The following ROBO2 variants were observed in gnomAD, a reference collection of about 807,000 sequenced individuals.
ROBO2 encodes roundabout guidance receptor 2, also known as roundabout homolog 2.
Under a neutral mutation model 160.8 loss-of-function variants are expected in ROBO2, and 53 were observed. The observed-to-expected ratio is 0.33, with a 90% CI of 0.26 to 0.41. The LOEUF (loss-of-function observed/expected upper bound fraction) is 0.41. Ranked by LOEUF, ROBO2 falls within the 10% of genes least tolerant of loss-of-function variation. ROBO2 has a pLI of 1.00. For synonymous variants in ROBO2, 664 were observed against 611.7 expected, an observed-to-expected ratio of 1.09 and a Z score of -1.26; for missense variants, 1,577 against 1,722.4, an observed-to-expected ratio of 0.92 and a Z score of 1.49.
chr3:77,114,259 A>G (rs2073976840), intron 2 of ROBO2, among the ~76,000 whole-genome samples: 1 of 152,152 alleles, frequency 6.6e-6, no homozygotes, highest in African/African-American at 2.4e-5. Flanking sequence ...TGTGATTATT[A>G]TTCCAGCTTA....
chr3:76,514,124 A>C (rs1268536594), intron 2 of ROBO2, among the ~76,000 whole-genome samples: 1 of 152,142 alleles, frequency 6.6e-6, no homozygotes, highest in African/African-American at 2.4e-5. Context: ...TTGTTGAAAA[A>C]AGTGTGTCAT....
intron 2 of ROBO2, among the ~76,000 whole-genome samples, chr3:76,278,696 T>C (rs562029408): frequency 6.6e-6 from 1 of 152,118 alleles, no homozygotes; most frequent in East Asian, 1.9e-4. Context: ...AGAAGACACA[T>C]GTACGTGTCA....
chr3:76,297,337 C>A (rs1043237389), intron 2 of ROBO2, among the ~76,000 whole-genome samples: 1 of 152,138 alleles, frequency 6.6e-6, no homozygotes, highest in Admixed American at 6.5e-5. Flanking sequence ...CTTACATTAT[C>A]TTTTGAAAAA....
intron 2 of ROBO2, among the ~76,000 whole-genome samples, chr3:77,400,765 G>A (rs2075724838): frequency 6.6e-6 from 1 of 152,144 alleles, no homozygotes; most frequent in African/African-American, 2.4e-5. Flanking sequence ...TCTACTCCAT[G>A]AGGTAGGTAT....
chr3:76,603,341 A>AT (rs1426046429), intron 2 of ROBO2, among the ~76,000 whole-genome samples: 301 of 55,056 alleles, frequency 5.5e-3, no homozygotes, highest in South Asian at 1.0e-2. Flanking sequence ...CCAAAAAAAA[A>AT]AAAAAAAAAA....
intron 2 of ROBO2, among the ~76,000 whole-genome samples, chr3:76,887,498 T>A (rs1179002018): frequency 6.6e-6 from 1 of 152,000 alleles, no homozygotes; most frequent in Non-Finnish European, 1.5e-5. Flanking sequence ...AAGGGGGTTG[T>A]GCGGTGGCTG....
chr3:76,230,214 G>T (rs937821239), intron 2 of ROBO2, among the ~76,000 whole-genome samples: 2 of 151,750 alleles, frequency 1.3e-5, no homozygotes, highest in Non-Finnish European at 2.9e-5. Context: ...TTTCTTCATG[G>T]AGTCCAGTGC....
chr3:76,881,246 A>G (rs1031479845), intron 2 of ROBO2, among the ~76,000 whole-genome samples: 5 of 152,166 alleles, frequency 3.3e-5, no homozygotes, highest in Non-Finnish European at 5.9e-5. Context: ...AACTGAAGAC[A>G]CTAATCTCTG....
At chr3:77,295,383 G>C (rs1027780064) in intron 2 of ROBO2, among the ~76,000 whole-genome samples, 1 of 150,244 alleles carries the variant, frequency 6.7e-6, no homozygotes, top group African/African-American at 2.5e-5. Flanking sequence ...GTAAGCTGAG[G>C]CTAGAGCACT....
intron 2 of ROBO2, among the ~76,000 whole-genome samples, chr3:77,118,702 T>G (rs1392181210): frequency 6.6e-6 from 1 of 152,178 alleles, no homozygotes; most frequent in Non-Finnish European, 1.5e-5. Context: ...AAGCATGCAA[T>G]AACAGAAAAG....
intron 2 of ROBO2, among the ~76,000 whole-genome samples, chr3:76,041,670 G>A (rs1269436014): frequency 1.3e-5 from 2 of 151,694 alleles, no homozygotes; most frequent in African/African-American, 2.4e-5. Context: ...ACACTTACAG[G>A]TATTAATATC....
chr3:76,369,789 C>T (rs937632951), intron 2 of ROBO2, among the ~76,000 whole-genome samples: 2 of 151,860 alleles, frequency 1.3e-5, no homozygotes, highest in South Asian at 4.1e-4. Flanking sequence ...TTAAAACTCT[C>T]CTCTCATTTC....
At chr3:77,476,547 G>T (rs2084034908) in intron 2 of ROBO2, among the ~76,000 whole-genome samples, 1 of 152,036 alleles carries the variant, frequency 6.6e-6, no homozygotes, top group Non-Finnish European at 1.5e-5. Context: ...CTACTTTTTT[G>T]AATGTTTACC....
chr3:77,248,809 G>A (rs7618355), intron 2 of ROBO2, among the ~76,000 whole-genome samples: 102,549 of 148,128 alleles, frequency 0.69, 35,745 homozygotes, highest in East Asian at 0.8. Context: ...GGAAGAATTC[G>A]TAAAATAAGT....
chr3:76,951,270 C>A (rs1219604688), intron 2 of ROBO2, among the ~76,000 whole-genome samples: 2 of 152,216 alleles, frequency 1.3e-5, no homozygotes, highest in Non-Finnish European at 2.9e-5. Flanking sequence ...TTTGTAGTGT[C>A]TTTCCAACAC....
intron 2 of ROBO2, among the ~76,000 whole-genome samples, chr3:76,962,588 A>T (rs887712721): frequency 6.7e-6 from 1 of 149,768 alleles, no homozygotes; most frequent in Admixed American, 6.9e-5. Context: ...TGGTGAGCCA[A>T]GATCGTGCCA....
At chr3:76,744,102 C>CA (rs2093845927) in intron 2 of ROBO2, among the ~76,000 whole-genome samples, 2 of 152,166 alleles carry the variant, frequency 1.3e-5, no homozygotes, top group South Asian at 4.1e-4. Flanking sequence ...ACCAGAGTAC[C>CA]ACTAGTTAAG....
rs9853715 is a variant in ROBO2, at chr3:76,009,916, G to T, written c.109+72314G>T. ...TTGTTGAAAATTGGTAAACTTAATT[G>T]ATGAAAAGCTTTAGCTTTTGCTATT... On this transcript the variant is annotated intron_variant, in intron 2 of 26. Coordinates refer to the ROBO2 transcript ENST00000487694. Among the ~76,000 whole-genome samples, 1,328 of 152,208 alleles carry T rather than the reference G, an allele frequency of 8.7e-3. 17 individuals carry two copies. The highest frequency in any genetic ancestry group is 0.031 in the African/African-American group (1,281 of 41,530).
At chr3:76,755,887 A>G (rs1314712962) in intron 2 of ROBO2, among the ~76,000 whole-genome samples, 2 of 151,846 alleles carry the variant, frequency 1.3e-5, no homozygotes, top group African/African-American at 4.8e-5. Context: ...TAATCCAACC[A>G]TTGTATCCCT....
Sources: allele counts gnomAD v4.1 joint callset (sites outside exome capture counted in the v4.1 genomes callset), GRCh38; gene constraint gnomAD v4.1.1; transcripts MANE v1.5; gene names NCBI Gene and HGNC (gene_info 2026-07-23, HGNC 2026-07-21).